Variants in GPR107 observed in about 807,000 individuals in gnomAD.
GPR107 encodes protein GPR107.
Under a neutral mutation model 75.5 loss-of-function variants are expected in GPR107, and 31 were observed. The ratio of observed to expected loss-of-function variants is 0.41; its 90% CI spans 0.31 to 0.55. The LOEUF is 0.55. Among genes scored for constraint, GPR107 ranks in the 20% least tolerant of loss-of-function variants. The probability of loss-of-function intolerance (pLI) is 0.26; values close to 1 mark genes in which losing one functional copy is unlikely to be tolerated. For missense variants in GPR107, 572 were observed against 665.7 expected (o/e 0.86, Z 1.55); for synonymous variants, 267 against 251.3 (o/e 1.06, Z -0.59).
intron 1 of GPR107, among the ~76,000 whole-genome samples, chr9:130,064,646 G>A (rs1005255511): frequency 6.6e-6 from 1 of 152,186 alleles, no homozygotes; most frequent in African/African-American, 2.4e-5. Context: ...GCCCCCACAA[G>A]TTCATGTCTG....
At chr9:130,127,336 C>A in intron 15 of GPR107, 147 bp from the exon 16 acceptor site, 1 of 626,632 alleles carries the variant, frequency 1.6e-6, no homozygotes, top group East Asian at 2.7e-5. Flanking sequence ...CTCCGCTGCA[C>A]GTATTAATTC....
intron 7 of GPR107, among the ~76,000 whole-genome samples, chr9:130,089,043 G>A (rs536090280): frequency 1.3e-5 from 2 of 151,694 alleles, no homozygotes; most frequent in African/African-American, 4.8e-5. Flanking sequence ...GGTGGTGGGC[G>A]CCTGTAATCC....
At chr9:130,111,451 G>A (rs780658405) in intron 14 of GPR107, among the ~76,000 whole-genome samples, 1 of 152,104 alleles carries the variant, frequency 6.6e-6, no homozygotes, top group Non-Finnish European at 1.5e-5. Flanking sequence ...AAGATCACTT[G>A]AGCCCAGGAG....
chr9:130,078,037 C>T (rs1174229072), intron 4 of GPR107, among the ~76,000 whole-genome samples: 2 of 151,954 alleles, frequency 1.3e-5, no homozygotes, highest in South Asian at 2.1e-4. Context: ...TGGTGGTGGG[C>T]GCCTGTAGTC....
intron 9 of GPR107, among the ~76,000 whole-genome samples, chr9:130,098,184 A>T (rs1392853595): frequency 6.6e-6 from 1 of 152,194 alleles, no homozygotes; most frequent in Admixed American, 6.5e-5. Flanking sequence ...ACCTAGCCTC[A>T]TAATAGTCTT....
intron 1 of GPR107, among the ~76,000 whole-genome samples, chr9:130,063,744 T>C (rs1180980776): frequency 6.6e-6 from 1 of 151,948 alleles, no homozygotes; most frequent in Non-Finnish European, 1.5e-5. Flanking sequence ...TCTTTTTTTT[T>C]CTTTTTCCTT....
At chr9:130,058,949 A>G (rs1002323481) in intron 1 of GPR107, among the ~76,000 whole-genome samples, 7 of 152,274 alleles carry the variant, frequency 4.6e-5, no homozygotes, top group Admixed American at 2.6e-4. Flanking sequence ...TTTGGCCATT[A>G]TGAATGATGG....
At chr9:130,059,334 A>C (rs1055324180) in intron 1 of GPR107, among the ~76,000 whole-genome samples, 2 of 152,144 alleles carry the variant, frequency 1.3e-5, no homozygotes, top group African/African-American at 4.8e-5. Flanking sequence ...CTAAAAATAC[A>C]AAAATTAGCC....
intron 5 of GPR107, among the ~76,000 whole-genome samples, chr9:130,082,679 C>A: frequency 6.6e-6 from 1 of 151,974 alleles, no homozygotes. Context: ...CGGGGTTTCA[C>A]CATGTTAGCC....
intron 9 of GPR107, among the ~76,000 whole-genome samples, chr9:130,097,721 T>C (rs958263822): frequency 4.0e-5 from 6 of 151,576 alleles, no homozygotes; most frequent in Non-Finnish European, 7.4e-5. Context: ...TTTTTTTTTT[T>C]TTTTTGAGAC....
chr9:130,115,807 C>T (rs1188281425), intron 14 of GPR107, among the ~76,000 whole-genome samples: 1 of 151,236 alleles, frequency 6.6e-6, no homozygotes. Flanking sequence ...TGATGGTGCA[C>T]ATCTGTAACC....
At chr9:130,070,604 A>G (rs1346968322) in intron 1 of GPR107, among the ~76,000 whole-genome samples, 5 of 152,188 alleles carry the variant, frequency 3.3e-5, no homozygotes, top group Non-Finnish European at 7.3e-5. Context: ...GCGCCTAGCC[A>G]AAAAGAAAAA....
chr9:130,090,442 C>T (rs1400580756), intron 7 of GPR107, among the ~76,000 whole-genome samples: 1 of 151,676 alleles, frequency 6.6e-6, no homozygotes, highest in African/African-American at 2.4e-5. Context: ...AATACGTTAG[C>T]TTGAAGACTA....
At position 130,075,771 on chromosome 9, in the gene GPR107, C is replaced by T. The variant is rs201087716; in HGVS notation, c.255+22C>T. ...GACTGTAAGTACCTTTTAATGAGATCCAGGGGTTTACTCTTTTTTTTTTTT... is the reference window on the plus strand; with the variant it reads ...GACTGTAAGTACCTTTTAATGAGATTCAGGGGTTTACTCTTTTTTTTTTTT... On this transcript the variant is annotated intron_variant, in intron 2 of 17. Transcript: ENST00000347136. 9 of 1,125,296 alleles carry T rather than the reference C, an allele frequency of 8.0e-6. No individual in the cohort carries two copies. The East Asian group carries it at 2.1e-4, about 27-fold the overall frequency. 69.7% of individuals were successfully genotyped at this position (1,125,296 alleles called of 1,614,324 possible).
intron 12 of GPR107, among the ~76,000 whole-genome samples, chr9:130,102,684 T>G (rs1831064123): frequency 6.6e-6 from 1 of 152,206 alleles, no homozygotes; most frequent in African/African-American, 2.4e-5. Context: ...GGAACACTCT[T>G]GGCACGTTGT....
intron 3 of GPR107, among the ~76,000 whole-genome samples, 195 bp downstream of exon 3, chr9:130,076,657 A>G (rs1446110554): frequency 1.3e-5 from 2 of 151,766 alleles, no homozygotes; most frequent in Admixed American, 6.6e-5. Context: ...TGGGACTACC[A>G]GCGTGTGCCA....
At chr9:130,079,904 C>T (rs536430184) in intron 5 of GPR107, 135 bp downstream of exon 5, 11 of 502,456 alleles carry the variant, frequency 2.2e-5, no homozygotes, top group Non-Finnish European at 3.4e-5. Flanking sequence ...CACAAAAATA[C>T]GTAAATGTTA....
At chr9:130,130,877 G>GAAAAAAAAAAA (rs113310099) in intron 17 of GPR107, among the ~76,000 whole-genome samples, 1 of 135,620 alleles carries the variant, frequency 7.4e-6, no homozygotes, top group Non-Finnish European at 1.5e-5. Flanking sequence ...TCTCAAAAAA[G>GAAAAAAAAAAA]AAAAAAAAAA....
In GPR107 at chr9:130,107,381, A is replaced by G. The variant is rs796670718; in HGVS notation, c.1263-115A>G. On this transcript the variant is annotated intron_variant, in intron 13 of 17. Coordinates refer to ENST00000347136, the MANE Select transcript of GPR107 (RefSeq NM_020960.5). ...TAGGGAGAGTGCTCTAAAGTGATGT[A>G]GTCCAACCTTTCAGCATGTAATTGA... 1.3e-4 allele frequency: 97 copies of G among 729,428 alleles called. No individual in the cohort carries two copies. The African/African-American group carries it at 1.6e-3, about 12-fold the overall frequency. 45.2% of individuals were successfully genotyped at this position (729,428 alleles called of 1,614,324 possible). A position where few individuals can be genotyped will look rare whatever the true frequency, so the allele number is the denominator to read the frequency against.
Sources: allele counts gnomAD v4.1 joint callset (sites outside exome capture counted in the v4.1 genomes callset), GRCh38; gene constraint gnomAD v4.1.1; transcripts MANE v1.5; gene names NCBI Gene and HGNC (gene_info 2026-07-23, HGNC 2026-07-21).